Variants in ZNF608 observed in about 807,000 individuals in gnomAD.
ZNF608 encodes the protein renal carcinoma antigen NY-REN-36.
ZNF608 carries 12 observed loss-of-function variants against 109.0 expected under a neutral mutation model. The observed-to-expected ratio is 0.11, with a 90% confidence interval of 0.07 to 0.18. ZNF608 has a LOEUF of 0.18. ZNF608 is among the 10% of genes least tolerant of loss of function. The pLI is 1.00. For missense variants in ZNF608, 1,707 were observed against 1,879.3 expected (o/e 0.91, Z 1.70); for synonymous variants, 732 against 717.4 (o/e 1.02, Z -0.33).
chr5:124,700,192 G>A (rs539387608), intron 3 of ZNF608, among the ~76,000 whole-genome samples: 20 of 152,274 alleles, frequency 1.3e-4, no homozygotes, highest in African/African-American at 4.6e-4. Context: ...CCCCAATGGA[G>A]CACTACAGAT....
chr5:124,704,031 T>C (rs543604781), intron 2 of ZNF608, among the ~76,000 whole-genome samples: 1 of 152,336 alleles, frequency 6.6e-6, no homozygotes, highest in African/African-American at 2.4e-5. Flanking sequence ...TAATTGTGTT[T>C]GTTACCATTA....
At chr5:124,657,602 G>A (rs1427553245) in intron 3 of ZNF608, among the ~76,000 whole-genome samples, 1 of 152,182 alleles carries the variant, frequency 6.6e-6, no homozygotes, top group Non-Finnish European at 1.5e-5. Context: ...GTGAACCCGG[G>A]AGGCAGAGCT....
At chr5:124,729,981 A>G (rs1748819335) in intron 2 of ZNF608, among the ~76,000 whole-genome samples, 1 of 152,234 alleles carries the variant, frequency 6.6e-6, no homozygotes, top group Admixed American at 6.5e-5. Context: ...GGAAGCAACT[A>G]CACCTCACTG....
chr5:124,694,142 AT>A (rs11320730), intron 3 of ZNF608, among the ~76,000 whole-genome samples: 10,867 of 63,136 alleles, frequency 0.17, 266 homozygotes, highest in East Asian at 0.2. Flanking sequence ...CGCTCGGCTA[AT>A]TTTTTTTTTT....
chr5:124,643,735 A>G (rs964176657), intron 6 of ZNF608, 52 bp from the exon 7 acceptor site: 31 of 1,578,888 alleles, frequency 2.0e-5, no homozygotes, highest in African/African-American at 4.1e-5. Flanking sequence ...ATCTTTAAAA[A>G]AAATCATTTG....
chr5:124,732,706 C>T (rs1429674393), intron 2 of ZNF608, among the ~76,000 whole-genome samples: 1 of 152,092 alleles, frequency 6.6e-6, no homozygotes, highest in African/African-American at 2.4e-5. Context: ...TATAAATGGT[C>T]CCAATTATTC....
chr5:124,695,559 G>A lies in ZNF608; in HGVS notation c.1162+5455C>T, dbSNP rs376270239. On this transcript the variant is annotated intron_variant, in intron 3 of 9. Transcript: ENST00000513986. ...GCAGGTGGATTGCTTGAGCCCAGGG[G>A]TTCGAGACTAGCATGGGCAACATGG... 1.6e-4 allele frequency among the ~76,000 whole-genome samples: 24 copies of A among 152,114 alleles called. No individual in the cohort carries two copies. In the East Asian group the frequency reaches 4.5e-3, roughly 28 times the overall value.
At chr5:124,747,287 G>T (rs1158362195), upstream of ZNF608, among the ~76,000 whole-genome samples, 2 of 150,126 alleles carry the variant, frequency 1.3e-5, no homozygotes, top group African/African-American at 4.9e-5. Flanking sequence ...AGCCCCTCCT[G>T]TGTTTAGTCA....
upstream of ZNF608, chr5:124,748,530 T>TA: frequency 1.0e-6 from 1 of 985,362 alleles, no homozygotes; most frequent in Non-Finnish European, 1.2e-6. Flanking sequence ...CAACCGTACT[T>TA]ACGGTCTGTA....
chr5:124,642,691 T>TC (rs1750298100), intron 7 of ZNF608, among the ~76,000 whole-genome samples: 1 of 144,860 alleles, frequency 6.9e-6, no homozygotes, highest in African/African-American at 2.6e-5. Context: ...TTTTCTATTG[T>TC]CTTTTTTTTT....
intron 3 of ZNF608, among the ~76,000 whole-genome samples, chr5:124,663,031 T>C (rs566062021): frequency 5.3e-5 from 8 of 152,348 alleles, no homozygotes; most frequent in Non-Finnish European, 5.9e-5. Flanking sequence ...GATGGAAGAA[T>C]GAGGTAGAAA....
chr5:124,732,445 T>C (rs987235191), intron 2 of ZNF608, among the ~76,000 whole-genome samples: 1 of 151,950 alleles, frequency 6.6e-6, no homozygotes, highest in Non-Finnish European at 1.5e-5. Context: ...AACCTATTTA[T>C]TCACAATAAG....
intron 3 of ZNF608, among the ~76,000 whole-genome samples, chr5:124,651,158 C>A (rs777845717): frequency 3.9e-5 from 6 of 152,192 alleles, no homozygotes; most frequent in Non-Finnish European, 8.8e-5. Context: ...CAAATCATAG[C>A]TGATTCCAAT....
chr5:124,734,838 T>G (rs930608867), intron 2 of ZNF608: 2 of 152,220 alleles, frequency 1.3e-5, no homozygotes, highest in Non-Finnish European at 2.9e-5. Flanking sequence ...ATATTTCTCT[T>G]TTATTAAAAC....
At chr5:124,638,809 C>A in intron 9 of ZNF608, 1 of 1,092,416 alleles carries the variant, frequency 9.2e-7, no homozygotes, top group Non-Finnish European at 1.1e-6. Context: ...TAAATGTCTC[C>A]ATTTGCGACT....
At position 124,648,583 on chromosome 5, in the gene ZNF608, C is replaced by T. The variant is rs1750646960; in HGVS notation, c.1801G>A (p.Gly601Arg). Residue 601 changes from glycine (G) to arginine (R), a missense_variant, in exon 5 of 10, where the codon GGA becomes AGA. Transcript: ENST00000513986. ...SEDKISDCEEGLSNVALECSE... is the reference protein window; with the variant it reads ...SEDKISDCEERLSNVALECSE... ...CATTCAAGTGCCACATTACTCAATC[C>T]TTCCTCACAGTCCGAGATCTTGTCC... The T allele has an allele frequency of 3.1e-6, 5 of 1,614,246 alleles. No individual in the cohort carries two copies. The highest frequency in any genetic ancestry group is 4.2e-6 in the Non-Finnish European group (5 of 1,180,052).
At chr5:124,695,151 ACT>A (rs1752797101) in intron 3 of ZNF608, among the ~76,000 whole-genome samples, 3 of 152,190 alleles carry the variant, frequency 2.0e-5, no homozygotes, top group African/African-American at 7.2e-5. Flanking sequence ...CCATTACTGC[ACT>A]GTTATAATCG....
chr5:124,648,941 T>G lies in ZNF608; in HGVS notation c.1443A>C (p.Thr481=). The G allele has an allele frequency of 6.2e-7, 1 of 1,613,848 alleles. No individual in the cohort carries two copies. Among genetic ancestry groups the G allele is most frequent in the Non-Finnish European group, 8.5e-7 (1 of 1,179,972 alleles). Reference sequence around the variant, plus strand: ...TATCCTCAGCAGCACAATTTGGGGGTGTCCTTCGTCCGCTGGCATTGAGGC... The same window carrying G: ...TATCCTCAGCAGCACAATTTGGGGGGGTCCTTCGTCCGCTGGCATTGAGGC... ...RGSLNASGRR[T]PPNCAAEDIK... Residue 481 remains threonine, a synonymous_variant, in exon 5 of 10, where the codon ACA becomes ACC. Transcript: ENST00000513986.
intron 3 of ZNF608, among the ~76,000 whole-genome samples, chr5:124,691,220 C>T (rs1054230838): frequency 2.6e-5 from 4 of 151,914 alleles, no homozygotes; most frequent in African/African-American, 4.8e-5. Flanking sequence ...GGCTGCACTC[C>T]AGGCTGGGTG....
Sources: gnomAD v4.1 joint callset for allele counts (sites outside exome capture counted in the v4.1 genomes callset) on GRCh38, gnomAD v4.1.1 for gene constraint, MANE v1.5 for transcripts, NCBI Gene and HGNC (gene_info 2026-07-23, HGNC 2026-07-21) for gene names.